The following BLK variants were observed in gnomAD, a reference collection of about 807,000 sequenced individuals.
BLK encodes the protein tyrosine-protein kinase Blk.
Under a neutral mutation model 61.8 loss-of-function variants are expected in BLK, and 64 were observed. The observed-to-expected ratio is 1.03, with a 90% confidence interval of 0.85 to 1.27. BLK has a LOEUF of 1.27. Among genes scored for constraint, BLK ranks in the 50% most tolerant of loss-of-function variants. The pLI, the probability that BLK is intolerant of heterozygous loss-of-function variation, is 0.00. For synonymous variants in BLK, 351 were observed against 272.0 expected (o/e 1.29, Z -2.86); for missense variants, 853 against 660.5 (o/e 1.29, Z -3.19).
intron 8 of BLK, chr8:11,555,817 G>T: frequency 5.1e-6 from 2 of 394,398 alleles, no homozygotes; most frequent in South Asian, 2.1e-5. Flanking sequence ...TCATCACCCA[G>T]ATGGAAACAG....
At chr8:11,536,635 T>C (rs557909671) in intron 1 of BLK, among the ~76,000 whole-genome samples, 2 of 152,278 alleles carry the variant, frequency 1.3e-5, no homozygotes, top group African/African-American at 2.4e-5. Flanking sequence ...CTCAAACCCC[T>C]GACCTCAAAT....
chr8:11,548,300 A>G (rs1335076500), intron 4 of BLK, among the ~76,000 whole-genome samples, 175 bp downstream of exon 4: 2 of 151,996 alleles, frequency 1.3e-5, no homozygotes, highest in African/African-American at 4.8e-5. Flanking sequence ...CCTCTCCAAA[A>G]TCTTTCCGGT....
chr8:11,543,690 A>C (rs149026390), intron 2 of BLK, among the ~76,000 whole-genome samples: 1 of 152,300 alleles, frequency 6.6e-6, no homozygotes, highest in African/African-American at 2.4e-5. Context: ...CTTGTCCCCT[A>C]TGTGGCATTG....
chr8:11,500,068 A>G (rs1798498665), intron 1 of BLK, among the ~76,000 whole-genome samples: 1 of 152,220 alleles, frequency 6.6e-6, no homozygotes, highest in African/African-American at 2.4e-5. Context: ...CTATCTGTGT[A>G]CAAAACAGAA....
chr8:11,515,271 C>G (rs1396973750), intron 1 of BLK, among the ~76,000 whole-genome samples: 1 of 152,164 alleles, frequency 6.6e-6, no homozygotes, highest in East Asian at 1.9e-4. Flanking sequence ...CTGTGCCACT[C>G]CCGGCTGAGG....
At chr8:11,518,061 G>C (rs1037270193) in intron 1 of BLK, among the ~76,000 whole-genome samples, 3 of 152,206 alleles carry the variant, frequency 2.0e-5, no homozygotes, top group African/African-American at 7.2e-5. Flanking sequence ...TCACTCTGCA[G>C]AAGAGGGAAC....
intron 1 of BLK, among the ~76,000 whole-genome samples, chr8:11,527,253 G>T (rs1230428918): frequency 6.6e-6 from 1 of 152,004 alleles, no homozygotes; most frequent in Non-Finnish European, 1.5e-5. Flanking sequence ...ACCTCTAAGG[G>T]GGTGTAAATA....
rs550088974 is a variant in BLK, at chr8:11,547,340, G to A, written c.176-692G>A. On this transcript the variant is annotated intron_variant, in intron 3 of 12. Transcript: ENST00000259089. ...ACAGAGCGGAGCCACCCCACCCGGGGAAGCTAAGTGCTCTCCAGGTGACCT... is the reference window on the plus strand; with the variant it reads ...ACAGAGCGGAGCCACCCCACCCGGGAAAGCTAAGTGCTCTCCAGGTGACCT... Among the ~76,000 whole-genome samples, 111 of 152,386 alleles carry A rather than the reference G, an allele frequency of 7.3e-4. 3 individuals carry two copies. In the South Asian group the frequency reaches 0.022, roughly 30 times the overall value.
intron 1 of BLK, among the ~76,000 whole-genome samples, chr8:11,521,193 T>C (rs551554639): frequency 1.3e-5 from 2 of 152,234 alleles, no homozygotes; most frequent in Non-Finnish European, 2.9e-5. Flanking sequence ...AAATTTATTA[T>C]CTAATATTTG....
At chr8:11,522,450 GGGAACCCATA>G (rs1799492189) in intron 1 of BLK, among the ~76,000 whole-genome samples, 1 of 152,124 alleles carries the variant, frequency 6.6e-6, no homozygotes, top group African/African-American at 2.4e-5. Context: ...GGAGTGTTTT[GGGAACCCATA>G]GTGCCACTGA....
chr8:11,541,521 G>A (rs1183456060), intron 1 of BLK, among the ~76,000 whole-genome samples: 7 of 149,240 alleles, frequency 4.7e-5, no homozygotes, highest in African/African-American at 7.4e-5. Flanking sequence ...TTTTCGAGAT[G>A]GAGTCTCACT....
chr8:11,516,139 C>T (rs779349020), intron 1 of BLK, among the ~76,000 whole-genome samples: 108 of 152,296 alleles, frequency 7.1e-4, no homozygotes, highest in Non-Finnish European at 1.3e-3. Flanking sequence ...GAAGACATGA[C>T]GCTAAGAGGA....
chr8:11,564,477 G>C lies in BLK; in HGVS notation c.*369G>C, dbSNP rs1801640977. 1 of 529,854 alleles carries C rather than the reference G, an allele frequency of 1.9e-6. No individual in the cohort carries two copies. Among genetic ancestry groups the C allele is most frequent in the South Asian group, 1.5e-5 (1 of 65,126 alleles). 32.8% of individuals were successfully genotyped at this position (529,854 alleles called of 1,614,324 possible). The stretch of plus-strand genomic sequence containing the variant: ...CGTCCCCGCCTCTGCGCCCTGCGTG[G>C]ACCCCGCCCTGCCCCGCTACAGAAG... On this transcript the variant is annotated 3_prime_UTR_variant, in exon 13 of 13. Transcript: ENST00000259089.
intron 1 of BLK, among the ~76,000 whole-genome samples, chr8:11,525,787 C>T (rs1261243334): frequency 1.3e-5 from 2 of 152,154 alleles, no homozygotes; most frequent in African/African-American, 2.4e-5. Flanking sequence ...TTCTGCCGCC[C>T]AGGCTGGAGT....
At chr8:11,558,539 G>A (rs946603431) in intron 10 of BLK, 2 of 416,142 alleles carry the variant, frequency 4.8e-6, no homozygotes, top group African/African-American at 2.0e-5. Flanking sequence ...CAGATGCCAG[G>A]GACATGACTT....
At chr8:11,508,397 G>A (rs944622926) in intron 1 of BLK, among the ~76,000 whole-genome samples, 25 of 152,352 alleles carry the variant, frequency 1.6e-4, no homozygotes, top group African/African-American at 6.0e-4. Flanking sequence ...ATCCAGAACA[G>A]CTTTCCTCCG....
At chr8:11,507,780 G>A (rs938780880) in intron 1 of BLK, among the ~76,000 whole-genome samples, 2 of 152,238 alleles carry the variant, frequency 1.3e-5, no homozygotes, top group East Asian at 3.9e-4. Context: ...GGAACCTGAG[G>A]CCAGGAGAGC....
Position 11,504,245 on chromosome 8 carries a change from C to T in BLK, c.-2+9654C>T, listed in dbSNP as rs980556476. Among the ~76,000 whole-genome samples, 43 of 151,772 alleles carry T rather than the reference C, an allele frequency of 2.8e-4. 1 individual carries two copies. Among genetic ancestry groups the T allele is most frequent in the Non-Finnish European group, 2.9e-5 (2 of 67,974 alleles). On this transcript the variant is annotated intron_variant, in intron 1 of 12. Coordinates refer to ENST00000259089, the MANE Select transcript of BLK (RefSeq NM_001715.3). ...GCTGAGGTAGGAGAATTGCTTGAACCCAAGGAGGCAAAGGTTGCAGTGAGC... is the reference window on the plus strand; with the variant it reads ...GCTGAGGTAGGAGAATTGCTTGAACTCAAGGAGGCAAAGGTTGCAGTGAGC...
intron 1 of BLK, among the ~76,000 whole-genome samples, chr8:11,508,158 C>T (rs1798856768): frequency 6.6e-6 from 1 of 152,236 alleles, no homozygotes; most frequent in African/African-American, 2.4e-5. Context: ...ACCCCAAAGC[C>T]AGTGCTCTGA....
Sources: gnomAD v4.1 joint callset for allele counts (sites outside exome capture counted in the v4.1 genomes callset) on GRCh38, gnomAD v4.1.1 for gene constraint, MANE v1.5 for transcripts, NCBI Gene and HGNC (gene_info 2026-07-23, HGNC 2026-07-21) for gene names.